The following COA4 variants were observed in gnomAD, a reference collection of about 807,000 sequenced individuals.
The protein encoded by COA4 is cytochrome c oxidase assembly factor 4 homolog, mitochondrial.
In COA4, 8 loss-of-function variants were observed where a neutral mutation model predicts 7.3. The ratio of observed to expected loss-of-function variants is 1.10; its 90% CI spans 0.64 to 1.98. The LOEUF is 1.98. Among genes scored for constraint, COA4 ranks in the 30% most tolerant of loss-of-function variants. COA4 has a pLI of 0.00. For missense variants in COA4, 96 were observed against 111.2 expected (o/e 0.86, Z 0.62); for synonymous variants, 42 against 44.3 (o/e 0.95, Z 0.21).
At chr11:73,874,020 G>T (rs1162945422) in intron 1 of COA4, among the ~76,000 whole-genome samples, 1 of 152,124 alleles carries the variant, frequency 6.6e-6, no homozygotes, top group African/African-American at 2.4e-5. Context: ...TACCTAAAAA[G>T]AACTAAACTT....
rs1380235249 is a variant in COA4 at position 73,872,887 on chromosome 11, G to T, written c.*228C>A. On this transcript the variant is annotated 3_prime_UTR_variant, in exon 2 of 2. Coordinates refer to ENST00000355693, the MANE Select transcript of COA4 (RefSeq NM_016565.3). ...CCCTTAACACATTCTTTGTTTTCCT[G>T]GTAAATACTGGTGGAACAAGACAGC... The T allele has an allele frequency of 1.8e-6, 1 of 548,516 alleles. No homozygotes were observed. Among genetic ancestry groups the T allele is most frequent in the Non-Finnish European group, 3.2e-6 (1 of 317,194 alleles). The allele number at this position is 548,516 out of a possible 1,614,324, so 34.0% of individuals were successfully genotyped here.
At chr11:73,876,443 G>A (rs1250288534) in intron 1 of COA4, 1 of 152,204 alleles carries the variant, frequency 6.6e-6, no homozygotes, top group Non-Finnish European at 1.5e-5. Flanking sequence ...GCTACTATAG[G>A]ACTCAGTAAA....
intron 1 of COA4, chr11:73,876,163 T>C (rs1253413943): frequency 6.6e-6 from 1 of 151,154 alleles, no homozygotes; most frequent in Non-Finnish European, 1.5e-5. Flanking sequence ...AGGTAAGGTT[T>C]GTAAGGAGGC....
chr11:73,876,278 A>G (rs2135110215), intron 1 of COA4: 1 of 152,348 alleles, frequency 6.6e-6, no homozygotes, highest in Non-Finnish European at 1.5e-5. Context: ...AGAACAGTGG[A>G]ATAGAAAGTG....
chr11:73,874,905 T>G (rs1948724096), intron 1 of COA4, among the ~76,000 whole-genome samples: 1 of 151,916 alleles, frequency 6.6e-6, no homozygotes, highest in Non-Finnish European at 1.5e-5. Flanking sequence ...AGAATCGCTT[T>G]AACCCAAGGG....
In COA4 at chr11:73,874,176, G is replaced by A. The variant is rs1019558525; in HGVS notation, c.-16-782C>T. Among the ~76,000 whole-genome samples the A allele has an allele frequency of 7.2e-5, 11 of 152,172 alleles. No individual in the cohort carries two copies. In the South Asian group the frequency reaches 8.3e-4, roughly 11 times the overall value. On this transcript the variant is annotated intron_variant, in intron 1 of 1. Transcript: ENST00000355693. ...AAAAAATTTAAAAATGGCTGGATACGGTGGCTCATGCCTATAATCCCAGCA... is the reference window on the plus strand; with the variant it reads ...AAAAAATTTAAAAATGGCTGGATACAGTGGCTCATGCCTATAATCCCAGCA...
chr11:73,873,879 GAA>G lies in COA4; in HGVS notation c.-16-487_-16-486del, dbSNP rs200759387. 1,574 of 161,796 alleles carry G rather than the reference GAA, an allele frequency of 9.7e-3. 24 individuals carry two copies. Among genetic ancestry groups the G allele is most frequent in the Middle Eastern group, 0.037 (12 of 320 alleles). 10.0% of individuals were successfully genotyped at this position (161,796 alleles called of 1,614,324 possible). A position where few individuals can be genotyped will look rare whatever the true frequency, so the allele number is the denominator to read the frequency against. On this transcript the variant is annotated intron_variant, in intron 1 of 1. Transcript: ENST00000355693. ...ACTAGGCCTGGCTGAGAGCAGGCCT[GAA>G]AAGTGGTTTGAACTGAATGAGATAA...
chr11:73,873,536 GTTTTTT>G, intron 1 of COA4, 142 bp from the exon 2 acceptor site: 7 of 490,026 alleles, frequency 1.4e-5, no homozygotes, highest in Admixed American at 8.4e-5. Flanking sequence ...ACAGATGCTT[GTTTTTT>G]TTTTTTTTTT....
At position 73,873,371 on chromosome 11, in the gene COA4, G is replaced by A; in HGVS notation, c.8C>T (p.Thr3Ile). 6.2e-7 allele frequency: 1 copy of A among 1,614,122 alleles called. No individual in the cohort carries two copies. Residue 3 changes from threonine to isoleucine, a missense_variant, in exon 2 of 2, where the codon ACC (threonine) becomes ATC (isoleucine). Coordinates refer to ENST00000355693, the MANE Select transcript of COA4 (RefSeq NM_016565.3). MSTSVPQGHTWTQ... is the reference protein window; with the variant it reads MSISVPQGHTWTQ... ...CCAGGTATGGCCTTGAGGGACTGAGGTTGACATCCTGGGGATGGGGAGTCT... is the reference window on the plus strand; with the variant it reads ...CCAGGTATGGCCTTGAGGGACTGAGATTGACATCCTGGGGATGGGGAGTCT...
intron 1 of COA4, chr11:73,875,792 T>C (rs1318669930): frequency 2.0e-5 from 3 of 152,254 alleles, no homozygotes; most frequent in Non-Finnish European, 2.9e-5. Flanking sequence ...TAAGACTTTT[T>C]ATTCTGAGGG....
chr11:73,875,103 T>G (rs1043876981), intron 1 of COA4, among the ~76,000 whole-genome samples: 12 of 152,240 alleles, frequency 7.9e-5, no homozygotes, highest in African/African-American at 2.7e-4. Flanking sequence ...AAACCTGGCC[T>G]CTGGGTCTAT....
intron 1 of COA4, among the ~76,000 whole-genome samples, chr11:73,875,420 A>G (rs775924556): frequency 6.6e-6 from 1 of 152,226 alleles, no homozygotes; most frequent in East Asian, 1.9e-4. Flanking sequence ...TCCTGGCTTC[A>G]TGGAGTTTAC....
chr11:73,874,631 CAAAT>C (rs754913892), intron 1 of COA4, among the ~76,000 whole-genome samples: 37 of 151,984 alleles, frequency 2.4e-4, no homozygotes, highest in Non-Finnish European at 4.4e-4. Context: ...GACCCTGTTT[CAAAT>C]AAATAACCTT....
rs766613998 is a variant in COA4, at chr11:73,873,120, G to C, written c.259C>G (p.His87Asp). 6.2e-7 allele frequency: 1 copy of C among 1,601,968 alleles called. No individual in the cohort carries two copies. The highest frequency in any genetic ancestry group is 8.5e-7 in the Non-Finnish European group (1 of 1,171,710). Residue 87 changes from histidine (H) to aspartate (D), a missense_variant, in exon 2 of 2, where the codon CAC (histidine) becomes GAC (aspartate). By Grantham distance (81) the His-to-Asp change is moderately conservative. Transcript: ENST00000355693. ...GGGATAGGTGGTTTGGGGTCTCAGT[G>C]GTGGGCACCGGCTTGTTCTTGCCTC... The part of the protein sequence containing the change: ...QRRQEQAGAH[H>D]
chr11:73,876,789 G>A lies in COA4; in HGVS notation c.-49C>T. The A allele has an allele frequency of 5.1e-6, 2 of 393,956 alleles. No individual in the cohort carries two copies. The highest frequency in any genetic ancestry group is 8.2e-5 in the South Asian group (1 of 12,208). 24.4% of individuals were successfully genotyped at this position (393,956 alleles called of 1,614,324 possible). On this transcript the variant is annotated 5_prime_UTR_variant, in exon 1 of 2. Coordinates refer to ENST00000355693, the MANE Select transcript of COA4 (RefSeq NM_016565.3). ...GTGGGAGAAGAGGGCCCGAACGCACGCTCCTACGCGGCGGCTTGGGTTTCG... is the reference window on the plus strand; with the variant it reads ...GTGGGAGAAGAGGGCCCGAACGCACACTCCTACGCGGCGGCTTGGGTTTCG...
chr11:73,873,533 C>CT (rs1948711522), intron 1 of COA4, 139 bp from the exon 2 acceptor site: 158 of 538,714 alleles, frequency 2.9e-4, no homozygotes, highest in Middle Eastern at 5.0e-4. Context: ...AAGACAGATG[C>CT]TTGTTTTTTT....
chr11:73,873,394 T>C lies in COA4; in HGVS notation c.-16A>G, dbSNP rs781197097. ...AGGTTGACATCCTGGGGATGGGGAGTCTATAGAACATTAACAGGTTAGAGT... is the reference window on the plus strand; with the variant it reads ...AGGTTGACATCCTGGGGATGGGGAGCCTATAGAACATTAACAGGTTAGAGT... On this transcript the variant is annotated splice_region_variant and 5_prime_UTR_variant, in exon 2 of 2. Coordinates refer to ENST00000355693, the MANE Select transcript of COA4 (RefSeq NM_016565.3). The C allele has an allele frequency of 2.3e-5, 37 of 1,613,364 alleles. No individual in the cohort carries two copies. In the East Asian group the frequency reaches 2.9e-4, roughly 13 times the overall value.
intron 1 of COA4, among the ~76,000 whole-genome samples, chr11:73,874,183 C>T (rs964265859): frequency 3.3e-5 from 5 of 152,142 alleles, no homozygotes; most frequent in Non-Finnish European, 7.3e-5. Flanking sequence ...TACGGTGGCT[C>T]ATGCCTATAA....
At chr11:73,873,417 A>G in intron 1 of COA4, 23 bp from the exon 2 acceptor site, 1 of 1,602,938 alleles carries the variant, frequency 6.2e-7, no homozygotes, top group South Asian at 1.1e-5. Context: ...AACAGGTTAG[A>G]GTAGGGATAT....
Sources: gnomAD v4.1 joint callset for allele counts (sites outside exome capture counted in the v4.1 genomes callset) on GRCh38, gnomAD v4.1.1 for gene constraint, MANE v1.5 for transcripts, NCBI Gene and HGNC (gene_info 2026-07-23, HGNC 2026-07-21) for gene names.